RBFOX1: variants seen among roughly 807,000 people sequenced by gnomAD.
The protein encoded by RBFOX1 is RNA binding fox-1 homolog 1.
In RBFOX1, 8 loss-of-function variants were observed where a neutral mutation model predicts 57.7. The observed-to-expected ratio is 0.14, with a 90% CI of 0.08 to 0.25. The LOEUF (loss-of-function observed/expected upper bound fraction) is 0.25, where lower values mean the gene tolerates loss of function less well. RBFOX1 is among the 10% of genes least tolerant of loss of function. The probability of loss-of-function intolerance (pLI) is 1.00; values close to 1 mark genes in which losing one functional copy is unlikely to be tolerated. For synonymous variants in RBFOX1, 326 were observed against 222.4 expected (o/e 1.47, Z -4.15); for missense variants, 611 against 548.5 (o/e 1.11, Z -1.14).
In RBFOX1 at chr16:5,450,465, C is replaced by A. The variant is rs555572693; in HGVS notation, c.220-16751C>A. ...TTCTAATGGTTCTCTCATGCTCGAA[C>A]CCTGCTGCGGTACAACCAGGGGAGC... On this transcript the variant is annotated intron_variant, in intron 1 of 2. Coordinates refer to the RBFOX1 transcript ENST00000585867. 3.3e-5 allele frequency among the ~76,000 whole-genome samples: 5 copies of A among 152,292 alleles called. No homozygotes were observed. In the South Asian group the frequency reaches 1.0e-3, roughly 32 times the overall value.
intron 4 of RBFOX1, among the ~76,000 whole-genome samples, chr16:7,475,665 A>G (rs1368223682): frequency 6.6e-6 from 1 of 152,140 alleles, no homozygotes; most frequent in Non-Finnish European, 1.5e-5. Flanking sequence ...CTGGCATCCA[A>G]GCTCTTGGTT....
chr16:6,065,808 A>G (rs948183885), intron 1 of RBFOX1, among the ~76,000 whole-genome samples: 3 of 152,140 alleles, frequency 2.0e-5, no homozygotes, highest in African/African-American at 7.2e-5. Flanking sequence ...ATAGATGAGA[A>G]AACAGAGGCT....
At chr16:6,899,919 A>G (rs1003268526) in intron 3 of RBFOX1, among the ~76,000 whole-genome samples, 1 of 152,224 alleles carries the variant, frequency 6.6e-6, no homozygotes, top group Non-Finnish European at 1.5e-5. Context: ...TGTTCTGACC[A>G]TAACCATTTG....
chr16:6,757,945 T>C (rs754116068), intron 3 of RBFOX1, among the ~76,000 whole-genome samples: 6 of 152,210 alleles, frequency 3.9e-5, no homozygotes, highest in Non-Finnish European at 8.8e-5. Context: ...AAAAAGATTT[T>C]AAACAATTAC....
chr16:7,468,650 G>A (rs2060972059), intron 4 of RBFOX1, among the ~76,000 whole-genome samples: 1 of 152,114 alleles, frequency 6.6e-6, no homozygotes, highest in African/African-American at 2.4e-5. Flanking sequence ...TGGTGAAAAT[G>A]CCAGAGGACA....
intron 1 of RBFOX1, among the ~76,000 whole-genome samples, chr16:5,348,962 C>T (rs934601580): frequency 6.6e-6 from 1 of 152,140 alleles, no homozygotes; most frequent in African/African-American, 2.4e-5. Context: ...TCATATGGTA[C>T]TTCTGTTTTC....
chr16:6,942,551 G>A (rs1368491364), intron 3 of RBFOX1, among the ~76,000 whole-genome samples: 4 of 152,126 alleles, frequency 2.6e-5, no homozygotes, highest in African/African-American at 9.7e-5. Flanking sequence ...TCCTGTGGAA[G>A]CATCAAGAAG....
chr16:7,413,584 G>A (rs539781977), intron 4 of RBFOX1, among the ~76,000 whole-genome samples: 7 of 151,894 alleles, frequency 4.6e-5, no homozygotes, highest in African/African-American at 1.7e-4. Flanking sequence ...ACGCTTTGCT[G>A]CCACCCCCCT....
chr16:5,537,249 G>A (rs1194949970), intron 2 of RBFOX1, among the ~76,000 whole-genome samples: 1 of 152,052 alleles, frequency 6.6e-6, no homozygotes, highest in East Asian at 1.9e-4. Flanking sequence ...CTTCTGTCAC[G>A]GTTCTCAGAA....
intron 1 of RBFOX1, among the ~76,000 whole-genome samples, chr16:6,182,953 G>A (rs1236482991): frequency 2.0e-5 from 3 of 152,130 alleles, no homozygotes; most frequent in Admixed American, 2.0e-4. Context: ...TAATTTAGTA[G>A]TATGGGGCGA....
At chr16:5,648,130 G>A (rs1325962291) in intron 3 of RBFOX1, among the ~76,000 whole-genome samples, 1 of 152,156 alleles carries the variant, frequency 6.6e-6, no homozygotes, top group Non-Finnish European at 1.5e-5. Flanking sequence ...AGAGTGCTGG[G>A]ATCACAGGCA....
chr16:7,065,206 T>C (rs1264743937), intron 4 of RBFOX1, among the ~76,000 whole-genome samples: 2 of 152,238 alleles, frequency 1.3e-5, no homozygotes, highest in African/African-American at 4.8e-5. Flanking sequence ...TTTCATGGTT[T>C]AGTGCCCCTA....
At chr16:6,986,104 T>G (rs2090192901) in intron 3 of RBFOX1, among the ~76,000 whole-genome samples, 1 of 151,518 alleles carries the variant, frequency 6.6e-6, no homozygotes, top group South Asian at 2.1e-4. Flanking sequence ...ACTTTTTATT[T>G]TGAAAAATTC....
intron 4 of RBFOX1, among the ~76,000 whole-genome samples, chr16:7,201,396 G>T (rs1312485000): frequency 6.6e-6 from 1 of 152,046 alleles, no homozygotes; most frequent in Non-Finnish European, 1.5e-5. Context: ...ATTCTATTCT[G>T]GCTGAGGCAG....
chr16:7,334,085 T>C (rs2096741225), intron 4 of RBFOX1, among the ~76,000 whole-genome samples: 1 of 152,108 alleles, frequency 6.6e-6, no homozygotes, highest in South Asian at 2.1e-4. Context: ...AGCTCATTAA[T>C]TACAATTTCT....
intron 2 of RBFOX1, among the ~76,000 whole-genome samples, chr16:6,640,844 C>G (rs4514681): frequency 0.55 from 83,798 of 151,892 alleles, 24,625 homozygotes; most frequent in South Asian, 0.81. Context: ...ATGTTCTAGC[C>G]CCATCTTAGG....
At chr16:5,638,727 G>A (rs764072429) in intron 3 of RBFOX1, among the ~76,000 whole-genome samples, 1 of 152,172 alleles carries the variant, frequency 6.6e-6, no homozygotes, top group Non-Finnish European at 1.5e-5. Flanking sequence ...ACAGACACTG[G>A]CTCTCTACAT....
intron 3 of RBFOX1, among the ~76,000 whole-genome samples, chr16:6,780,659 C>G (rs2080860991): frequency 7.0e-6 from 1 of 142,568 alleles, no homozygotes; most frequent in Non-Finnish European, 1.5e-5. Flanking sequence ...ATGTATATAT[C>G]TATATTGCCT....
chr16:5,965,963 T>C (rs762994447), intron 4 of RBFOX1, among the ~76,000 whole-genome samples: 69 of 152,184 alleles, frequency 4.5e-4, no homozygotes, highest in Non-Finnish European at 8.7e-4. Context: ...GGCTGTGAAA[T>C]GTTTCGGCCA....
Sources: allele counts gnomAD v4.1 joint callset (sites outside exome capture counted in the v4.1 genomes callset), GRCh38; gene constraint gnomAD v4.1.1; transcripts MANE v1.5; gene names NCBI Gene and HGNC (gene_info 2026-07-23, HGNC 2026-07-21).